Variants in SPINK13 observed in about 807,000 individuals in gnomAD.
SPINK13 encodes the protein serine protease inhibitor Kazal-type 13.
In SPINK13, 11 loss-of-function variants were observed where a neutral mutation model predicts 11.0. That is an observed-to-expected ratio of 1.00 (90% confidence interval 0.63 to 1.65). SPINK13 has a LOEUF of 1.65. Ranked by LOEUF, SPINK13 falls within the 40% of genes most tolerant of loss-of-function variation. SPINK13 has a pLI of 0.00. For missense variants in SPINK13, 113 were observed against 117.7 expected (o/e 0.96, Z 0.19); for synonymous variants, 31 against 35.6 (o/e 0.87, Z 0.46).
intron 2 of SPINK13, among the ~76,000 whole-genome samples, chr5:148,271,271 G>A (rs559193565): frequency 6.6e-6 from 1 of 152,184 alleles, no homozygotes; most frequent in East Asian, 1.9e-4. Flanking sequence ...TGCCTCAGTT[G>A]GATAGAATTG....
chr5:148,281,576 C>T (rs929816811), intron 3 of SPINK13, among the ~76,000 whole-genome samples: 31 of 152,212 alleles, frequency 2.0e-4, no homozygotes, highest in African/African-American at 7.0e-4. Context: ...GGTGAGGTGG[C>T]GCCCCACTCT....
chr5:148,276,402 G>A (rs1201368457), intron 3 of SPINK13, among the ~76,000 whole-genome samples: 1 of 152,174 alleles, frequency 6.6e-6, no homozygotes, highest in Non-Finnish European at 1.5e-5. Context: ...TATTGCCTAG[G>A]TTTTCTTCTA....
chr5:148,283,081 C>T (rs73278562), intron 4 of SPINK13, among the ~76,000 whole-genome samples: 4,551 of 152,118 alleles, frequency 0.03, 218 homozygotes, highest in African/African-American at 0.1. Context: ...CACAAGTTTC[C>T]AGCTGTCTTC....
chr5:148,270,945 G>A (rs950319187), intron 2 of SPINK13: 3 of 152,178 alleles, frequency 2.0e-5, no homozygotes, highest in African/African-American at 7.2e-5. Flanking sequence ...AGAAACTCCA[G>A]GAGGAATGCA....
intron 3 of SPINK13, among the ~76,000 whole-genome samples, chr5:148,277,932 T>C (rs1330295204): frequency 6.6e-6 from 1 of 152,224 alleles, no homozygotes; most frequent in Non-Finnish European, 1.5e-5. Context: ...AGGCTATTAA[T>C]TACTGCCTGT....
At chr5:148,285,895 C>A in intron 4 of SPINK13, 105 bp from the exon 5 acceptor site, 3 of 571,014 alleles carry the variant, frequency 5.3e-6, no homozygotes, top group Non-Finnish European at 6.0e-6. Flanking sequence ...AATTTAAAAG[C>A]AGCTCCCTTT....
chr5:148,277,098 A>C (rs1218515208), intron 3 of SPINK13, among the ~76,000 whole-genome samples: 2 of 152,152 alleles, frequency 1.3e-5, no homozygotes, highest in Non-Finnish European at 2.9e-5. Context: ...GGTGTATAGG[A>C]ATGCTTGTGA....
intron 3 of SPINK13, among the ~76,000 whole-genome samples, chr5:148,279,950 G>C (rs1756488533): frequency 6.6e-6 from 1 of 152,086 alleles, no homozygotes; most frequent in Admixed American, 6.5e-5. Context: ...TTTTCACATA[G>C]TCCCATATTT....
At chr5:148,279,956 T>C (rs1182204749) in intron 3 of SPINK13, among the ~76,000 whole-genome samples, 2 of 152,208 alleles carry the variant, frequency 1.3e-5, no homozygotes, top group East Asian at 1.9e-4. Flanking sequence ...CATAGTCCCA[T>C]ATTTCTTGGA....
At position 148,276,708 on chromosome 5, in the gene SPINK13, G is replaced by A. The variant is rs144185490; in HGVS notation, c.108+2324G>A. Among the ~76,000 whole-genome samples the A allele has an allele frequency of 3.7e-3, 566 of 152,262 alleles. 3 individuals carry two copies. Among genetic ancestry groups the A allele is most frequent in the Non-Finnish European group, 4.6e-3 (312 of 68,018 alleles). ...GTAGTATAATTTGAAGTCAGGTAGCGTGATGCCTCTAGATTTGTTCTTTTT... is the reference window on the plus strand; with the variant it reads ...GTAGTATAATTTGAAGTCAGGTAGCATGATGCCTCTAGATTTGTTCTTTTT... On this transcript the variant is annotated intron_variant, in intron 3 of 4. Transcript: ENST00000398450.
rs1361643552 is a variant in SPINK13 at position 148,285,511 on chromosome 5, T to C, written c.237-489T>C. On this transcript the variant is annotated intron_variant, in intron 4 of 4. Coordinates refer to ENST00000398450, the MANE Select transcript of SPINK13 (RefSeq NM_001040129.3). ...TGATGCTGAAAGGAACATTATGTATTTAGAGAATAGTAATATGTAAAGATG... is the reference window on the plus strand; with the variant it reads ...TGATGCTGAAAGGAACATTATGTATCTAGAGAATAGTAATATGTAAAGATG... 2.6e-5 allele frequency among the ~76,000 whole-genome samples: 4 copies of C among 152,168 alleles called. No homozygotes were observed. The East Asian group carries it at 7.7e-4, about 29-fold the overall frequency.
intron 3 of SPINK13, among the ~76,000 whole-genome samples, chr5:148,277,528 A>G (rs1225696729): frequency 6.6e-6 from 1 of 152,138 alleles, no homozygotes; most frequent in Non-Finnish European, 1.5e-5. Flanking sequence ...GCACCTATTG[A>G]GATAATCAAG....
At chr5:148,284,323 C>A (rs1249608498) in intron 4 of SPINK13, among the ~76,000 whole-genome samples, 1 of 151,744 alleles carries the variant, frequency 6.6e-6, no homozygotes, top group Non-Finnish European at 1.5e-5. Context: ...TCCTTCCTCC[C>A]TCTCTCCCTC....
At chr5:148,281,548 G>C (rs1301709968) in intron 3 of SPINK13, among the ~76,000 whole-genome samples, 3 of 152,082 alleles carry the variant, frequency 2.0e-5, no homozygotes, top group Admixed American at 6.5e-5. Flanking sequence ...GGAGTTCCCT[G>C]ACCCATTGCA....
intron 2 of SPINK13, among the ~76,000 whole-genome samples, chr5:148,272,579 C>T (rs1296874581): frequency 1.3e-5 from 2 of 152,138 alleles, no homozygotes; most frequent in African/African-American, 4.8e-5. Flanking sequence ...TTTCTGGACT[C>T]TATCCTTTTC....
intron 3 of SPINK13, among the ~76,000 whole-genome samples, chr5:148,280,358 A>G (rs1481894846): frequency 1.3e-5 from 2 of 152,138 alleles, no homozygotes; most frequent in Non-Finnish European, 2.9e-5. Context: ...TTGGAGGAGA[A>G]GAGGCTTTCT....
At chr5:148,275,180 T>C (rs1029547155) in intron 3 of SPINK13, among the ~76,000 whole-genome samples, 45 of 152,204 alleles carry the variant, frequency 3.0e-4, no homozygotes, top group Admixed American at 1.8e-3. Context: ...TTCCCTTCCC[T>C]GTGTTCATGT....
chr5:148,276,303 A>T (rs4476709), intron 3 of SPINK13, among the ~76,000 whole-genome samples: 7,023 of 152,198 alleles, frequency 0.046, 418 homozygotes, highest in African/African-American at 0.13. Context: ...GTTTAATCAG[A>T]TCCCATTTGT....
chr5:148,281,162 C>T (rs1833766), intron 3 of SPINK13, among the ~76,000 whole-genome samples: 31,786 of 152,116 alleles, frequency 0.21, 9,699 homozygotes, highest in African/African-American at 0.67. Flanking sequence ...CCAGGTCGAC[C>T]TCCGACTGCT....
Sources: gnomAD v4.1 joint callset for allele counts (sites outside exome capture counted in the v4.1 genomes callset) on GRCh38, gnomAD v4.1.1 for gene constraint, MANE v1.5 for transcripts, NCBI Gene and HGNC (gene_info 2026-07-23, HGNC 2026-07-21) for gene names.